ANKS1B: variants seen among roughly 807,000 people sequenced by gnomAD.
ANKS1B encodes the protein ankyrin repeat and sterile alpha motif domain-containing protein 1B.
ANKS1B carries 36 observed loss-of-function variants against 148.3 expected under a neutral mutation model. That is an observed-to-expected ratio of 0.24 (90% CI 0.19 to 0.32). The LOEUF (loss-of-function observed/expected upper bound fraction) is 0.32, where lower values mean the gene tolerates loss of function less well. Among genes scored for constraint, ANKS1B ranks in the 10% least tolerant of loss-of-function variants. The probability of loss-of-function intolerance (pLI) is 1.00; values close to 1 mark genes in which losing one functional copy is unlikely to be tolerated. For synonymous variants in ANKS1B, 542 were observed against 560.8 expected, an observed-to-expected ratio of 0.97 and a Z score of 0.47; for missense variants, 1,157 against 1,542.6, an observed-to-expected ratio of 0.75 and a Z score of 4.19.
At chr12:99,746,272 G>A (rs896523642) in intron 8 of ANKS1B, among the ~76,000 whole-genome samples, 4 of 152,120 alleles carry the variant, frequency 2.6e-5, no homozygotes, top group African/African-American at 9.7e-5. Context: ...TACAATTAAG[G>A]AAATAATTCA....
intron 15 of ANKS1B, among the ~76,000 whole-genome samples, chr12:99,120,939 T>C (rs569684646): frequency 1.3e-5 from 2 of 152,240 alleles, no homozygotes; most frequent in East Asian, 1.9e-4. Flanking sequence ...AAGAGAGGCT[T>C]AGAAAAAGTA....
rs571412405 is a variant in ANKS1B, at chr12:99,092,429, C to T, written c.2527-7406G>A. Among the ~76,000 whole-genome samples, 217 of 143,430 alleles carry T rather than the reference C, an allele frequency of 1.5e-3. 1 individual carries two copies. Among genetic ancestry groups the T allele is most frequent in the Non-Finnish European group, 2.5e-3 (166 of 67,134 alleles). 94.1% of individuals were successfully genotyped at this position (143,430 alleles called of 152,430 possible). On this transcript the variant is annotated intron_variant, in intron 15 of 26. Transcript: ENST00000683438. ...GCGGAGATGAAAGGAAAACAGTTAG[C>T]AGCTGTCCTGTGTCCTTTTGTAATC...
At chr12:99,164,349 T>A (rs1039377880) in intron 14 of ANKS1B, among the ~76,000 whole-genome samples, 2 of 152,134 alleles carry the variant, frequency 1.3e-5, no homozygotes, top group African/African-American at 4.8e-5. Context: ...GCAAATACAA[T>A]TTGGAGTAAT....
intron 4 of ANKS1B, among the ~76,000 whole-genome samples, chr12:99,800,332 G>A (rs2066784110): frequency 6.7e-6 from 1 of 150,022 alleles, no homozygotes; most frequent in African/African-American, 2.4e-5. Flanking sequence ...GCCGGAACTT[G>A]ATCTTGGACT....
intron 1 of ANKS1B, among the ~76,000 whole-genome samples, chr12:99,833,044 C>T (rs936578238): frequency 3.9e-5 from 6 of 152,222 alleles, no homozygotes; most frequent in African/African-American, 1.4e-4. Context: ...TTACTATTCC[C>T]ATTGTATAGA....
chr12:98,990,568 A>G (rs189839727), intron 17 of ANKS1B, among the ~76,000 whole-genome samples: 106 of 133,400 alleles, frequency 7.9e-4, no homozygotes, highest in Middle Eastern at 4.1e-3. Flanking sequence ...GAGAGAGAGA[A>G]AAAAAAAAAA....
At chr12:99,094,771 G>A (rs913858026) in intron 15 of ANKS1B, among the ~76,000 whole-genome samples, 1 of 152,190 alleles carries the variant, frequency 6.6e-6, no homozygotes, top group Admixed American at 6.5e-5. Flanking sequence ...CAGGAAATAA[G>A]ACAATACAGA....
chr12:98,895,199 G>A lies in ANKS1B; in HGVS notation c.2779-63063C>T, dbSNP rs1193257289. 9.1e-6 allele frequency: 9 copies of A among 985,164 alleles called. No individual in the cohort carries two copies. The African/African-American group carries it at 1.4e-4, about 15-fold the overall frequency. 61.0% of individuals were successfully genotyped at this position (985,164 alleles called of 1,614,324 possible). ...GCGCGGCGCGCGGGGGCTGCAGGGC[G>A]CCTAGCACTGGGGGTTGCCGGCGCG... On this transcript the variant is annotated intron_variant, in intron 17 of 26. Coordinates refer to ENST00000683438, the MANE Select transcript of ANKS1B (RefSeq NM_001352186.2).
At chr12:99,473,648 C>T (rs575768793) in intron 10 of ANKS1B, among the ~76,000 whole-genome samples, 2 of 152,098 alleles carry the variant, frequency 1.3e-5, no homozygotes, top group South Asian at 4.1e-4. Context: ...ATACAACTGG[C>T]ACCTCATTGG....
At chr12:99,112,908 C>T (rs932435951) in intron 15 of ANKS1B, among the ~76,000 whole-genome samples, 17 of 152,144 alleles carry the variant, frequency 1.1e-4, no homozygotes, top group Non-Finnish European at 4.4e-5. Flanking sequence ...TCAAGCATTG[C>T]TACAGATAAT....
intron 17 of ANKS1B, chr12:98,895,445 C>T (rs144694785): frequency 2.4e-5 from 9 of 374,556 alleles, no homozygotes; most frequent in Non-Finnish European, 3.3e-5. Context: ...CGGTCGCCGC[C>T]GCTGGAGAGA....
intron 9 of ANKS1B, among the ~76,000 whole-genome samples, chr12:99,570,962 C>T (rs529164565): frequency 1.3e-4 from 20 of 151,854 alleles, no homozygotes; most frequent in Middle Eastern, 3.4e-3. Flanking sequence ...CAAATAGTTC[C>T]GAAATTTATT....
intron 17 of ANKS1B, among the ~76,000 whole-genome samples, chr12:99,017,551 C>T (rs888644453): frequency 2.0e-5 from 3 of 152,098 alleles, no homozygotes; most frequent in Admixed American, 6.6e-5. Context: ...CTCAATTGAT[C>T]CTATGGCCTC....
intron 15 of ANKS1B, among the ~76,000 whole-genome samples, chr12:99,110,792 C>A (rs757100149): frequency 2.6e-5 from 4 of 152,196 alleles, no homozygotes; most frequent in Middle Eastern, 3.4e-3. Context: ...TGTTTGATAA[C>A]TTCCTGTAAC....
At chr12:99,798,437 A>AC (rs1338168337) in intron 4 of ANKS1B, among the ~76,000 whole-genome samples, 6 of 151,004 alleles carry the variant, frequency 4.0e-5, no homozygotes, top group Non-Finnish European at 7.4e-5. Flanking sequence ...AAAAAAAAAA[A>AC]AAAAAACAAA....
At chr12:99,651,359 TTAAAAATAAAA>T (rs2098418026) in intron 9 of ANKS1B, among the ~76,000 whole-genome samples, 2 of 152,160 alleles carry the variant, frequency 1.3e-5, no homozygotes, top group African/African-American at 2.4e-5. Flanking sequence ...ATGAAAAAAT[TTAAAAATAAAA>T]CAATTTTTGT....
intron 14 of ANKS1B, among the ~76,000 whole-genome samples, chr12:99,214,230 A>T (rs747606177): frequency 4.6e-5 from 7 of 152,182 alleles, no homozygotes; most frequent in Non-Finnish European, 1.0e-4. Context: ...GATGTAGTTT[A>T]AAAAAAGTTT....
chr12:99,265,306 T>C (rs2076338866), intron 12 of ANKS1B, among the ~76,000 whole-genome samples: 1 of 152,108 alleles, frequency 6.6e-6, no homozygotes, highest in Non-Finnish European at 1.5e-5. Flanking sequence ...TTTTACAAAC[T>C]GTCCACTTGA....
chr12:99,444,820 A>AT (rs1334230848), intron 10 of ANKS1B, among the ~76,000 whole-genome samples: 3 of 151,998 alleles, frequency 2.0e-5, no homozygotes, highest in East Asian at 3.9e-4. Context: ...CTGAGACTGA[A>AT]TTTTTTATAG....
Sources: allele counts gnomAD v4.1 joint callset (sites outside exome capture counted in the v4.1 genomes callset), GRCh38; gene constraint gnomAD v4.1.1; transcripts MANE v1.5; gene names NCBI Gene and HGNC (gene_info 2026-07-23, HGNC 2026-07-21).